RAD54B: variants seen among roughly 807,000 people sequenced by gnomAD.
RAD54B encodes the protein DNA repair and recombination protein RAD54B.
Under a neutral mutation model 95.8 loss-of-function variants are expected in RAD54B, and 78 were observed. That is an observed-to-expected ratio of 0.81 (90% CI 0.68 to 0.98). The LOEUF (loss-of-function observed/expected upper bound fraction) is 0.98. Among genes scored for constraint, RAD54B ranks in the 50% least tolerant of loss-of-function variants. RAD54B has a pLI of 0.00. For missense variants in RAD54B, 957 were observed against 1,056.6 expected, an observed-to-expected ratio of 0.91 and a Z score of 1.31; for synonymous variants, 328 against 354.9, an observed-to-expected ratio of 0.92 and a Z score of 0.85.
rs71273330 is a variant in RAD54B at position 94,377,545 on chromosome 8, GAAAAAAA to G, written c.2515+628_2515+634del. 4.5e-3 allele frequency among the ~76,000 whole-genome samples: 316 copies of G among 70,562 alleles called. 2 individuals carry two copies. The highest frequency in any genetic ancestry group is 0.019 in the African/African-American group (264 of 13,900). The allele number at this position is 70,562 out of a possible 152,430, so 46.3% of individuals were successfully genotyped here. ...AGCAACAGAGCCAGACCCTGTCTTG[GAAAAAAA>G]AAAAAAAAAAAAAAAAAAAAAAAAA... On this transcript the variant is annotated intron_variant, in intron 14 of 14. Coordinates refer to ENST00000336148, the MANE Select transcript of RAD54B (RefSeq NM_012415.3).
chr8:94,422,618 ATATATATAT>A lies in RAD54B; in HGVS notation c.305-11312_305-11304del, dbSNP rs1474457229. Among the ~76,000 whole-genome samples the A allele has an allele frequency of 1.9e-3, 47 of 24,116 alleles. 1 individual carries two copies. The highest frequency in any genetic ancestry group is 8.7e-3 in the African/African-American group (32 of 3,664). 15.8% of individuals were successfully genotyped at this position (24,116 alleles called of 152,430 possible). On this transcript the variant is annotated intron_variant, in intron 3 of 14. Coordinates refer to ENST00000336148, the MANE Select transcript of RAD54B (RefSeq NM_012415.3). The stretch of plus-strand genomic sequence containing the variant: ...AAAAAAAAAAAAAAAAAAAAAAAAA[ATATATATAT>A]ATATATATATATATATATATATATA...
rs1812073676 is a variant in RAD54B, at chr8:94,430,811, G to A, written c.305-19496C>T. 9 of 985,314 alleles carry A rather than the reference G, an allele frequency of 9.1e-6. No homozygotes were observed. In the South Asian group the frequency reaches 2.8e-4, roughly 31 times the overall value. The allele number at this position is 985,314 out of a possible 1,614,324, so 61.0% of individuals were successfully genotyped here. A position where few individuals can be genotyped will look rare whatever the true frequency, so the allele number is the denominator to read the frequency against. On this transcript the variant is annotated intron_variant, in intron 3 of 14. Coordinates refer to ENST00000336148, the MANE Select transcript of RAD54B (RefSeq NM_012415.3). ...CCCCGCATGTGAAAATTCTGCTGGA[G>A]CTAAACAGCAGCTACCCTACCTAGT...
chr8:94,383,520 G>A (rs1810793337), intron 11 of RAD54B, among the ~76,000 whole-genome samples: 1 of 152,268 alleles, frequency 6.6e-6, no homozygotes, highest in Middle Eastern at 3.4e-3. Context: ...GAGAAAGAAA[G>A]AGAGGATGCA....
At chr8:94,380,554 G>A in intron 11 of RAD54B, 148 bp from the exon 12 acceptor site, 1 of 866,040 alleles carries the variant, frequency 1.2e-6, no homozygotes, top group Non-Finnish European at 1.7e-6. Context: ...AGGTATTCCT[G>A]CATATTCCAT....
At chr8:94,384,107 T>G (rs1321909378) in intron 11 of RAD54B, among the ~76,000 whole-genome samples, 2 of 152,122 alleles carry the variant, frequency 1.3e-5, no homozygotes, top group Non-Finnish European at 2.9e-5. Flanking sequence ...ATTGTGCACA[T>G]GTACCCTAGA....
chr8:94,440,988 A>G (rs1407206803), intron 3 of RAD54B, among the ~76,000 whole-genome samples: 3 of 152,222 alleles, frequency 2.0e-5, no homozygotes, highest in African/African-American at 7.2e-5. Flanking sequence ...CCTAGTAGTT[A>G]AAAATTAACT....
chr8:94,416,940 T>C (rs79838802), intron 3 of RAD54B, among the ~76,000 whole-genome samples: 2,082 of 152,302 alleles, frequency 0.014, 26 homozygotes, highest in Non-Finnish European at 0.022. Context: ...TGAATGTTTA[T>C]AGCTAGGATT....
At position 94,393,039 on chromosome 8, in the gene RAD54B, G is replaced by A. The variant is rs549682587; in HGVS notation, c.1518+704C>T. Among the ~76,000 whole-genome samples the A allele has an allele frequency of 1.0e-3, 153 of 147,810 alleles. 1 individual carries two copies. In the Middle Eastern group the frequency reaches 0.02, roughly 20 times the overall value. On this transcript the variant is annotated intron_variant, in intron 9 of 14. Transcript: ENST00000336148. ...GGGTTTCACCATGTTGGCCAGGATG[G>A]TCTCGATCTCTTGACCTAGTGATCC... is the stretch of plus-strand genomic sequence containing the variant.
chr8:94,442,341 AG>A (rs1280224826), intron 3 of RAD54B, among the ~76,000 whole-genome samples: 3 of 135,526 alleles, frequency 2.2e-5, no homozygotes, highest in Non-Finnish European at 4.7e-5. Flanking sequence ...TGGGAGGCCA[AG>A]GTGGGCGGAT....
chr8:94,442,576 G>GAAAAAAAAAAAAAA (rs531694623), intron 3 of RAD54B, among the ~76,000 whole-genome samples: 1 of 45,636 alleles, frequency 2.2e-5, no homozygotes, highest in Non-Finnish European at 4.5e-5. Flanking sequence ...CTCTGTCTCA[G>GAAAAAAAAAAAAAA]AAAAAAAAAA....
intron 2 of RAD54B, among the ~76,000 whole-genome samples, chr8:94,461,160 CTTTTTTTTT>C (rs57563259): frequency 3.3e-5 from 2 of 59,976 alleles, no homozygotes; most frequent in South Asian, 1.3e-3. Context: ...AAATACTCAT[CTTTTTTTTT>C]TTTTTTTTTT....
chr8:94,473,224 T>G (rs1267673836), intron 1 of RAD54B, among the ~76,000 whole-genome samples: 1 of 152,202 alleles, frequency 6.6e-6, no homozygotes, highest in Non-Finnish European at 1.5e-5. Flanking sequence ...TTGGTAGCCC[T>G]GATGTGATGC....
chr8:94,404,057 C>T lies in RAD54B; in HGVS notation c.944+20G>A. The T allele has an allele frequency of 6.5e-7, 1 of 1,545,960 alleles. No homozygotes were observed. Among genetic ancestry groups the T allele is most frequent in the Non-Finnish European group, 8.8e-7 (1 of 1,138,708 alleles). ...AAATCAAAATTCAGATTAGATTAAACAAATGATTTATTTTCCTACCTCATT... is the reference window on the plus strand; with the variant it reads ...AAATCAAAATTCAGATTAGATTAAATAAATGATTTATTTTCCTACCTCATT... On this transcript the variant is annotated intron_variant, in intron 6 of 14. Transcript: ENST00000336148.
rs776328482 is a variant in RAD54B, at chr8:94,407,483, TTCTG to T, written c.733_736del (p.Gln245MetfsTer41). The stretch of plus-strand genomic sequence containing the variant: ...GCGTGGTTTGCAATTTTGGAAATCA[TTCTG>T]TCTATTTTCCTTTGAACTTGGTTTA... On this transcript the variant is annotated frameshift_variant, in exon 5 of 15. Transcript: ENST00000336148. LOFTEE classifies it high-confidence loss of function. 7 of 1,613,868 alleles carry T rather than the reference TTCTG, an allele frequency of 4.3e-6. No individual in the cohort carries two copies. Among genetic ancestry groups the T allele is most frequent in the South Asian group, 3.3e-5 (3 of 91,056 alleles).
At chr8:94,379,314 C>T (rs1810676825) in intron 12 of RAD54B, among the ~76,000 whole-genome samples, 1 of 152,162 alleles carries the variant, frequency 6.6e-6, no homozygotes, top group African/African-American at 2.4e-5. Context: ...TGCAGGTGTT[C>T]CATGACTACA....
In RAD54B at chr8:94,380,145, C is replaced by T. The variant is rs1354210732; in HGVS notation, c.2247G>A (p.Gln749=). ...DIDWNPATDI[Q]AMSRVWRDGQ... is the part of the protein sequence containing the mutation. ...CTATTTAATGCATAAATATTCCTAC[C>T]TGAATGTCAGTGGCTGGATTCCAAT... Residue 749 remains glutamine (Q), a splice_region_variant and synonymous_variant, in exon 12 of 15, where the codon CAG becomes CAA. Transcript: ENST00000336148. 1 of 1,606,024 alleles carries T rather than the reference C, an allele frequency of 6.2e-7. No individual in the cohort carries two copies. Among genetic ancestry groups the T allele is most frequent in the East Asian group, 2.2e-5 (1 of 44,778 alleles).
chr8:94,431,683 A>G, intron 3 of RAD54B: 3 of 982,786 alleles, frequency 3.1e-6, no homozygotes, highest in Non-Finnish European at 3.6e-6. Context: ...TACTCCTTCA[A>G]AAGATAAAAG....
chr8:94,419,383 C>T lies in RAD54B; in HGVS notation c.305-8068G>A, dbSNP rs564604587. 9.5e-4 allele frequency among the ~76,000 whole-genome samples: 145 copies of T among 152,166 alleles called. 1 individual carries two copies. The highest frequency in any genetic ancestry group is 3.0e-3 in the African/African-American group (126 of 41,538). On this transcript the variant is annotated intron_variant, in intron 3 of 14. Coordinates refer to ENST00000336148, the MANE Select transcript of RAD54B (RefSeq NM_012415.3). ...ATTAGCCAGGCGTGGTGGCAGGCAC[C>T]TGCAATCCCAGCTACTCGGGAGGTT...
chr8:94,427,160 A>G lies in RAD54B; in HGVS notation c.305-15845T>C, dbSNP rs61023757. Among the ~76,000 whole-genome samples, 386 of 152,194 alleles carry G rather than the reference A, an allele frequency of 2.5e-3. 3 individuals carry two copies. Among genetic ancestry groups the G allele is most frequent in the African/African-American group, 8.8e-3 (367 of 41,564 alleles). Reference sequence around the variant, plus strand: ...TTCACACATAAATTTTAAAACAAAAAAGACCTGCTAGCAAAGTGGAATTAT... The same window carrying G: ...TTCACACATAAATTTTAAAACAAAAGAGACCTGCTAGCAAAGTGGAATTAT... On this transcript the variant is annotated intron_variant, in intron 3 of 14. Coordinates refer to ENST00000336148, the MANE Select transcript of RAD54B (RefSeq NM_012415.3).
Sources: allele counts gnomAD v4.1 joint callset (sites outside exome capture counted in the v4.1 genomes callset), GRCh38; gene constraint gnomAD v4.1.1; transcripts MANE v1.5; gene names NCBI Gene and HGNC (gene_info 2026-07-23, HGNC 2026-07-21).